Variants in OVCH1 observed in about 807,000 individuals in gnomAD.
The protein encoded by OVCH1 is ovochymase-1.
A neutral mutation model predicts 138.4 loss-of-function variants in OVCH1; 139 were observed. That is an observed-to-expected ratio of 1.00 (90% CI 0.87 to 1.16). The LOEUF is 1.16. Among genes scored for constraint, OVCH1 ranks in the 50% most tolerant of loss-of-function variants. The probability of loss-of-function intolerance (pLI) is 0.00; values close to 1 mark genes in which losing one functional copy is unlikely to be tolerated. For synonymous variants in OVCH1, 453 were observed against 467.8 expected (o/e 0.97, Z 0.41); for missense variants, 1,367 against 1,357.9 (o/e 1.01, Z -0.11).
At chr12:29,456,891 T>C (rs538912344) in intron 19 of OVCH1, among the ~76,000 whole-genome samples, 1 of 152,338 alleles carries the variant, frequency 6.6e-6, no homozygotes, top group Admixed American at 6.5e-5. Flanking sequence ...AGGTTAGGCT[T>C]TCCAATTTTT....
rs547638949 is a variant in OVCH1, at chr12:29,457,555, C to T, written c.2281-2150G>A. Among the ~76,000 whole-genome samples the T allele has an allele frequency of 5.9e-5, 9 of 151,700 alleles. No homozygotes were observed. In the East Asian group the frequency reaches 1.2e-3, roughly 20 times the overall value. On this transcript the variant is annotated intron_variant, in intron 19 of 27. Coordinates refer to ENST00000318184, the Ensembl canonical transcript of OVCH1. ...AGTAGCTGGGACTACAGACGCGCACCGTCAAGCCCGGCTAATTTTTTGTAT... is the reference window on the plus strand; with the variant it reads ...AGTAGCTGGGACTACAGACGCGCACTGTCAAGCCCGGCTAATTTTTTGTAT...
At chr12:29,456,898 T>G (rs1411607759) in intron 19 of OVCH1, among the ~76,000 whole-genome samples, 1 of 152,238 alleles carries the variant, frequency 6.6e-6, no homozygotes, top group Non-Finnish European at 1.5e-5. Context: ...GCTTTCCAAT[T>G]TTTAATCAGG....
downstream of OVCH1, among the ~76,000 whole-genome samples, chr12:29,409,600 C>A (rs1384794377): frequency 2.0e-5 from 3 of 152,066 alleles, no homozygotes; most frequent in African/African-American, 7.2e-5. Flanking sequence ...TGTTCAGTTT[C>A]TCTGTAGTTG....
chr12:29,446,190 C>G (rs1048496867), intron 22 of OVCH1, among the ~76,000 whole-genome samples: 1 of 151,922 alleles, frequency 6.6e-6, no homozygotes, highest in Non-Finnish European at 1.5e-5. Context: ...ATTTTTTTCA[C>G]TACTGAATCC....
chr12:29,485,523 C>A (rs1037440910), intron 8 of OVCH1, among the ~76,000 whole-genome samples: 1 of 151,836 alleles, frequency 6.6e-6, no homozygotes, highest in East Asian at 1.9e-4. Flanking sequence ...TCCTGTAATA[C>A]CAGCACTTTG....
chr12:29,402,317 AGT>A, the OVCH1 span, among the ~76,000 whole-genome samples: 1 of 152,226 alleles, frequency 6.6e-6, no homozygotes, highest in Non-Finnish European at 1.5e-5. Flanking sequence ...ATTTTTCCTC[AGT>A]GTTCCTATCC....
At chr12:29,483,591 T>A (rs141829872) in intron 8 of OVCH1, among the ~76,000 whole-genome samples, 64 of 152,264 alleles carry the variant, frequency 4.2e-4, no homozygotes, top group Non-Finnish European at 8.4e-4. Context: ...GTCCCGATCA[T>A]CCTTTCTATT....
At position 29,428,793 on chromosome 12, in the gene OVCH1, G is replaced by A. The variant is rs187784313; in HGVS notation, c.3328-1145C>T. On this transcript the variant is annotated intron_variant, in intron 27 of 27. Coordinates refer to ENST00000318184, the Ensembl canonical transcript of OVCH1. ...TGTGCAATAAATGGATTTTAATGGT[G>A]TCCTAAGTGGCAGAACTAAGAGGAA... 3.9e-5 allele frequency among the ~76,000 whole-genome samples: 6 copies of A among 152,324 alleles called. No individual in the cohort carries two copies. In the East Asian group the frequency reaches 9.6e-4, roughly 24 times the overall value.
intron 3 of OVCH1, among the ~76,000 whole-genome samples, chr12:29,421,330 A>G (rs1941101189): frequency 6.6e-6 from 1 of 152,266 alleles, no homozygotes; most frequent in African/African-American, 2.4e-5. Context: ...ATAACAAAAC[A>G]TTATATAAAA....
intron 3 of OVCH1, among the ~76,000 whole-genome samples, chr12:29,413,387 C>G (rs1255982179): frequency 6.6e-6 from 1 of 152,128 alleles, no homozygotes; most frequent in Admixed American, 6.5e-5. Context: ...TCTAGGACAT[C>G]ACCTTGTTGA....
At chr12:29,458,790 G>GA (rs904883498) in intron 19 of OVCH1, among the ~76,000 whole-genome samples, 3 of 151,778 alleles carry the variant, frequency 2.0e-5, no homozygotes, top group African/African-American at 4.9e-5. Flanking sequence ...TAACTCTATA[G>GA]AAAAAATCTA....
Position 29,496,688 on chromosome 12 carries a change from CAT to C in OVCH1, c.65-16_65-15del. On this transcript the variant is annotated splice_polypyrimidine_tract_variant and intron_variant, in intron 1 of 27. Coordinates refer to ENST00000318184, the Ensembl canonical transcript of OVCH1. ...CACACTTCAGTCCTGTGTAGAAGAG[CAT>C]GTGTGTGTGCACACACAGAGCCTTA... 6.4e-7 allele frequency: 1 copy of C among 1,571,638 alleles called. No homozygotes were observed. Among genetic ancestry groups the C allele is most frequent in the Non-Finnish European group, 8.7e-7 (1 of 1,146,410 alleles).
At chr12:29,451,243 C>A in intron 22 of OVCH1, 102 bp downstream of exon 22, 1 of 842,092 alleles carries the variant, frequency 1.2e-6, no homozygotes, top group Non-Finnish European at 1.8e-6. Flanking sequence ...CATGGATCAA[C>A]ATTTTGGTAA....
chr12:29,496,562 T>C (rs765676792), exon 2 of OVCH1: 5 of 1,600,838 alleles, frequency 3.1e-6, no homozygotes, highest in Middle Eastern at 1.6e-4. Context: ...TGACCTGCCA[T>C]GGATGTCCAG....
intron 16 of OVCH1, among the ~76,000 whole-genome samples, chr12:29,468,024 C>T (rs1942377579): frequency 6.6e-6 from 1 of 152,092 alleles, no homozygotes; most frequent in African/African-American, 2.4e-5. Context: ...ATAACTTAGG[C>T]AACTGTGAAG....
intron 8 of OVCH1, among the ~76,000 whole-genome samples, chr12:29,481,105 G>C (rs557134773): frequency 6.6e-6 from 1 of 151,802 alleles, no homozygotes; most frequent in Non-Finnish European, 1.5e-5. Context: ...TACTTGAGGT[G>C]TGAATTTAGA....
At chr12:29,491,523 C>T (rs938748283) in intron 4 of OVCH1, among the ~76,000 whole-genome samples, 2 of 152,084 alleles carry the variant, frequency 1.3e-5, no homozygotes, top group Admixed American at 6.6e-5. Flanking sequence ...AGGAATTAGC[C>T]AGGCCACTGC....
In OVCH1 at chr12:29,455,415, C is replaced by T; in HGVS notation, c.2281-10G>A. On this transcript the variant is annotated splice_polypyrimidine_tract_variant and intron_variant, in intron 19 of 27. Coordinates refer to ENST00000318184, the Ensembl canonical transcript of OVCH1. Reference sequence around the variant, plus strand: ...GCCCACCAGAGTCTCCCTGAAACACCAAGAAAACATGTTTTAGAAAACTGC... The same window carrying T: ...GCCCACCAGAGTCTCCCTGAAACACTAAGAAAACATGTTTTAGAAAACTGC... 1.3e-6 allele frequency: 2 copies of T among 1,585,938 alleles called. No individual in the cohort carries two copies. Among genetic ancestry groups the T allele is most frequent in the African/African-American group, 2.7e-5 (2 of 73,518 alleles).
At chr12:29,486,742 AT>A (rs2136072238) in intron 7 of OVCH1, 1 of 317,404 alleles carries the variant, frequency 3.2e-6, no homozygotes, top group Non-Finnish European at 6.3e-6. Flanking sequence ...AGGAAGCATT[AT>A]TTAAATAAAT....
Sources: allele counts gnomAD v4.1 joint callset (sites outside exome capture counted in the v4.1 genomes callset), GRCh38; gene constraint gnomAD v4.1.1; transcripts MANE v1.5; gene names NCBI Gene and HGNC (gene_info 2026-07-23, HGNC 2026-07-21).